ERCC8: variants seen among roughly 807,000 people sequenced by gnomAD.
ERCC8 encodes the protein DNA excision repair protein ERCC-8.
ERCC8 carries 52 observed loss-of-function variants against 54.9 expected under a neutral mutation model. That is an observed-to-expected ratio of 0.95 (90% CI 0.76 to 1.19). The LOEUF (loss-of-function observed/expected upper bound fraction) is 1.19, where lower values mean the gene tolerates loss of function less well. Among genes scored for constraint, ERCC8 ranks in the 50% most tolerant of loss-of-function variants. The pLI is 0.00. For missense variants in ERCC8, 514 were observed against 466.1 expected (o/e 1.10, Z -0.95); for synonymous variants, 146 against 157.2 (o/e 0.93, Z 0.53).
intron 2 of ERCC8, chr5:60,924,432 G>C (rs1580032623): frequency 1.3e-5 from 2 of 154,572 alleles, no homozygotes; most frequent in African/African-American, 4.8e-5. Flanking sequence ...TTTTGTATCT[G>C]AAATCAGTTT....
intron 1 of ERCC8, chr5:60,932,185 T>C (rs1749927512): frequency 6.6e-6 from 1 of 152,212 alleles, no homozygotes; most frequent in Non-Finnish European, 1.5e-5. Flanking sequence ...AAAAGGGCAA[T>C]AATACTATAA....
intron 4 of ERCC8, among the ~76,000 whole-genome samples, chr5:60,914,180 T>G (rs557440738): frequency 6.6e-6 from 1 of 152,108 alleles, no homozygotes; most frequent in African/African-American, 2.4e-5. Context: ...TGTCTAATGT[T>G]GAGAGTGGGG....
intron 8 of ERCC8, among the ~76,000 whole-genome samples, chr5:60,899,388 A>G (rs546262962): frequency 6.6e-6 from 1 of 152,204 alleles, no homozygotes; most frequent in East Asian, 1.9e-4. Flanking sequence ...TTAATTCACA[A>G]AAATTTCTAC....
Position 60,898,135 on chromosome 5 carries a change from T to C in ERCC8, c.843+141A>G, listed in dbSNP as rs538965834. The C allele has an allele frequency of 2.6e-4, 232 of 895,324 alleles. 2 individuals carry two copies. In the South Asian group the frequency reaches 2.9e-3, roughly 11 times the overall value. The allele number at this position is 895,324 out of a possible 1,614,324, so 55.5% of individuals were successfully genotyped here. ...TGGGTTGTCCTGAGTTGAGAATTAC[T>C]AGTCCACATAGTAGAAACACATTTT... On this transcript the variant is annotated intron_variant, in intron 9 of 11. Coordinates refer to ENST00000676185, the MANE Select transcript of ERCC8 (RefSeq NM_000082.4).
Position 60,867,741 on chromosome 5 carries a change from G to A in ERCC8, c.*6874C>T, listed in dbSNP as rs1747783345. On this transcript the variant is annotated 3_prime_UTR_variant, in exon 12 of 12. Coordinates refer to ENST00000676185, the MANE Select transcript of ERCC8 (RefSeq NM_000082.4). ...GTGTTTGAGCCACATGGGAGAAGCAGCTCTCCTGCTCCTGGTGGTGTTTTT... is the reference window on the plus strand; with the variant it reads ...GTGTTTGAGCCACATGGGAGAAGCAACTCTCCTGCTCCTGGTGGTGTTTTT... Among the ~76,000 whole-genome samples, 2 of 152,202 alleles carry A rather than the reference G, an allele frequency of 1.3e-5. No homozygotes were observed. The highest frequency in any genetic ancestry group is 2.9e-5 in the Non-Finnish European group (2 of 68,032).
rs1747853889 is a variant in ERCC8 at position 60,871,111 on chromosome 5, G to A, written c.*3504C>T. 6.6e-6 allele frequency among the ~76,000 whole-genome samples: 1 copy of A among 151,876 alleles called. No homozygotes were observed. Among genetic ancestry groups the A allele is most frequent in the South Asian group, 2.1e-4 (1 of 4,820 alleles). ...TACCCAGCTAAACTATCATTTCAGA[G>A]GGGAAAAAAAAGATGATATTCAACA... On this transcript the variant is annotated 3_prime_UTR_variant, in exon 12 of 12. Transcript: ENST00000676185.
chr5:60,879,328 A>C (rs560901171), intron 11 of ERCC8, among the ~76,000 whole-genome samples: 1 of 152,342 alleles, frequency 6.6e-6, no homozygotes, highest in Admixed American at 6.5e-5. Context: ...TGTGGTGCTG[A>C]AAAGAATGTA....
chr5:60,871,553 A>G lies in ERCC8; in HGVS notation c.*3062T>C, dbSNP rs1260571711. 6.6e-6 allele frequency among the ~76,000 whole-genome samples: 1 copy of G among 152,180 alleles called. No individual in the cohort carries two copies. The highest frequency in any genetic ancestry group is 2.4e-5 in the African/African-American group (1 of 41,450). ...ATAACAACAGCTTGTTGAACATCCC[A>G]TTATGTAAAATTATATGTATCATAA... On this transcript the variant is annotated 3_prime_UTR_variant, in exon 12 of 12. Transcript: ENST00000676185.
In ERCC8 at chr5:60,867,644, A is replaced by G. The variant is rs1254110543; in HGVS notation, c.*6971T>C. ...TAGCATAAGTTTGAACAGTGTATTTATTTAGAAAATATACAGATTTACACA... is the reference window on the plus strand; with the variant it reads ...TAGCATAAGTTTGAACAGTGTATTTGTTTAGAAAATATACAGATTTACACA... On this transcript the variant is annotated 3_prime_UTR_variant, in exon 12 of 12. Coordinates refer to ENST00000676185, the MANE Select transcript of ERCC8 (RefSeq NM_000082.4). Among the ~76,000 whole-genome samples the G allele has an allele frequency of 6.6e-6, 1 of 152,204 alleles. No homozygotes were observed. Among genetic ancestry groups the G allele is most frequent in the African/African-American group, 2.4e-5 (1 of 41,454 alleles).
At position 60,928,967 on chromosome 5, in the gene ERCC8, A is replaced by G. The variant is rs1312377057; in HGVS notation, c.78-8T>C. 6.7e-7 allele frequency: 1 copy of G among 1,490,566 alleles called. No homozygotes were observed. Among genetic ancestry groups the G allele is most frequent in the South Asian group, 1.1e-5 (1 of 87,398 alleles). The allele number at this position is 1,490,566 out of a possible 1,614,324, so 92.3% of individuals were successfully genotyped here. On this transcript the variant is annotated splice_polypyrimidine_tract_variant and splice_region_variant and intron_variant, in intron 1 of 11. Coordinates refer to ENST00000676185, the MANE Select transcript of ERCC8 (RefSeq NM_000082.4). ...AATTCCAGTCCCAAAACTCTTAAAAATAAAAGGGGGAGAAAGAAATTAACA... is the reference window on the plus strand; with the variant it reads ...AATTCCAGTCCCAAAACTCTTAAAAGTAAAAGGGGGAGAAAGAAATTAACA...
In ERCC8 at chr5:60,890,989, C is replaced by A; in HGVS notation, c.941G>T (p.Ser314Ile). 6.2e-7 allele frequency: 1 copy of A among 1,612,580 alleles called. No individual in the cohort carries two copies. Among genetic ancestry groups the A allele is most frequent in the Non-Finnish European group, 8.5e-7 (1 of 1,178,792 alleles). The stretch of plus-strand genomic sequence containing the variant: ...GTAAACTGTATAAACAGCAATGGTG[C>A]TACCATATGGTACAAAAACAAATTC... The part of the protein sequence containing the change: ...SSEFVFVPYG[S>I]TIAVYTVYSG... The change falls in exon 10 of 12, where the codon AGC becomes ATC. Residue 314 changes from serine to isoleucine, a missense_variant. Coordinates refer to ENST00000676185, the MANE Select transcript of ERCC8 (RefSeq NM_000082.4).
At chr5:60,893,793 T>A (rs1255224511) in intron 9 of ERCC8, 1 of 275,110 alleles carries the variant, frequency 3.6e-6, no homozygotes, top group Non-Finnish European at 6.8e-6. Flanking sequence ...TAAACATTTT[T>A]TCATACACAT....
chr5:60,887,607 T>G, intron 10 of ERCC8, 87 bp from the exon 11 acceptor site: 1 of 970,268 alleles, frequency 1.0e-6, no homozygotes. Flanking sequence ...AATAATTAGG[T>G]CATAATAATT....
rs1748777585 is a variant in ERCC8, at chr5:60,898,347, G to A, written c.772C>T (p.Leu258Phe). 2 of 1,613,130 alleles carry A rather than the reference G, an allele frequency of 1.2e-6. No homozygotes were observed. The stretch of plus-strand genomic sequence containing the variant: ...TCTGTACCAACAGTGAGGAGGTGAA[G>A]TCCATCACTTGTAAAACATAAGCCA... ...VNGLCFTSDGLHLLTVGTDNR... is the reference protein window; with the variant it reads ...VNGLCFTSDGFHLLTVGTDNR... The change falls in exon 9 of 12, where the codon CTT becomes TTT. Residue 258 changes from leucine to phenylalanine, a missense_variant. Physicochemically the swap from Leu to Phe is conservative, Grantham distance 22. Coordinates refer to ENST00000676185, the MANE Select transcript of ERCC8 (RefSeq NM_000082.4).
chr5:60,892,569 G>T, intron 9 of ERCC8: 1 of 659,866 alleles, frequency 1.5e-6, no homozygotes, highest in South Asian at 1.4e-5. Flanking sequence ...CAAATGGTGG[G>T]CCACTGCTGT....
chr5:60,925,368 C>T (rs955954043), intron 2 of ERCC8, among the ~76,000 whole-genome samples: 2 of 152,130 alleles, frequency 1.3e-5, no homozygotes, highest in Admixed American at 6.5e-5. Flanking sequence ...CAGTTTTCCT[C>T]AGTATATAGT....
intron 4 of ERCC8, among the ~76,000 whole-genome samples, chr5:60,915,977 C>G (rs943903989): frequency 6.6e-6 from 1 of 151,906 alleles, no homozygotes; most frequent in Admixed American, 6.6e-5. Context: ...TCTAGGTGCC[C>G]TAAGAGCCTG....
chr5:60,869,530 T>G lies in ERCC8; in HGVS notation c.*5085A>C, dbSNP rs1026826105. On this transcript the variant is annotated 3_prime_UTR_variant, in exon 12 of 12. Transcript: ENST00000676185. ...GTCTTTAGAGAATTTTTTAAAGGTT[T>G]TAAAATCTATTTTAAATGGGGCTTT... 6.6e-6 allele frequency among the ~76,000 whole-genome samples: 1 copy of G among 152,176 alleles called. No homozygotes were observed. Among genetic ancestry groups the G allele is most frequent in the African/African-American group, 2.4e-5 (1 of 41,460 alleles).
chr5:60,882,831 T>A (rs1748278499), intron 11 of ERCC8, among the ~76,000 whole-genome samples: 1 of 152,226 alleles, frequency 6.6e-6, no homozygotes, highest in Admixed American at 6.5e-5. Context: ...GGTTGTCAAT[T>A]TGACTATTAA....
Sources: allele counts gnomAD v4.1 joint callset (sites outside exome capture counted in the v4.1 genomes callset), GRCh38; gene constraint gnomAD v4.1.1; transcripts MANE v1.5; gene names NCBI Gene and HGNC (gene_info 2026-07-23, HGNC 2026-07-21).